Variants in POU2F2 observed in about 807,000 individuals in gnomAD.
POU2F2 encodes the protein POU domain, class 2, transcription factor 2.
In POU2F2, 14 loss-of-function variants were observed where a neutral mutation model predicts 63.5. The ratio of observed to expected loss-of-function variants is 0.22; its 90% confidence interval spans 0.15 to 0.34. The LOEUF (loss-of-function observed/expected upper bound fraction) is 0.34. Ranked by LOEUF, POU2F2 falls within the 10% of genes least tolerant of loss-of-function variation. The pLI is 1.00. For synonymous variants in POU2F2, 306 were observed against 348.6 expected (o/e 0.88, Z 1.36); for missense variants, 607 against 815.2 (o/e 0.74, Z 3.11).
At position 42,162,388 on chromosome 19, in the gene POU2F2, C is replaced by G. The variant is rs1339451825; in HGVS notation, c.-69-1996G>C. On this transcript the variant is annotated intron_variant, in intron 1 of 6. Transcript: ENST00000524801. This position sits in a 1 kb window ranked among gnomAD's most constrained non-coding sequence, Gnocchi z 4.1. ...TGGGATCTAGGAGCTGTATTCCCAG[C>G]AGTGCCTTAAGACTGGGAGCTATTT... 6.6e-6 allele frequency among the ~76,000 whole-genome samples: 1 copy of G among 152,140 alleles called. No individual in the cohort carries two copies. Among genetic ancestry groups the G allele is most frequent in the African/African-American group, 2.4e-5 (1 of 41,438 alleles).
At chr19:42,124,888 T>A (rs1025728252) in intron 1 of POU2F2, among the ~76,000 whole-genome samples, 1 of 152,202 alleles carries the variant, frequency 6.6e-6, no homozygotes, top group Non-Finnish European at 1.5e-5. Flanking sequence ...CACAGTCAGA[T>A]GAGTGAGCAC....
At chr19:42,149,410 A>T (rs1449310400) in intron 2 of POU2F2, among the ~76,000 whole-genome samples, 2 of 152,120 alleles carry the variant, frequency 1.3e-5, no homozygotes, top group South Asian at 2.1e-4. Flanking sequence ...GGGAGGGGAG[A>T]TGAACCAAGA....
chr19:42,129,210 G>C, intron 1 of POU2F2, among the ~76,000 whole-genome samples: 1 of 152,086 alleles, frequency 6.6e-6, no homozygotes. Context: ...ACACACAAAA[G>C]ATTGGTTGGT....
At chr19:42,161,979 C>T (rs766133489) in intron 1 of POU2F2, among the ~76,000 whole-genome samples, 6 of 152,206 alleles carry the variant, frequency 3.9e-5, no homozygotes, top group African/African-American at 1.2e-4. Context: ...ATCGCCTTGC[C>T]GATTCCCAGT....
At chr19:42,124,877 T>G (rs1201838369) in intron 1 of POU2F2, among the ~76,000 whole-genome samples, 1 of 152,154 alleles carries the variant, frequency 6.6e-6, no homozygotes, top group Admixed American at 6.5e-5. Flanking sequence ...TAGCAGATGA[T>G]CACAGTCAGA....
intron 2 of POU2F2, among the ~76,000 whole-genome samples, chr19:42,150,713 T>C (rs1293942376): frequency 6.6e-6 from 1 of 151,894 alleles, no homozygotes; most frequent in Non-Finnish European, 1.5e-5. Context: ...TATTTTTTCT[T>C]ATATATTTTT....
rs1171600840 is a variant in POU2F2, at chr19:42,087,594, ATT to A, written c.*3661_*3662del. 55 of 116,072 alleles carry A rather than the reference ATT, an allele frequency of 4.7e-4. No individual in the cohort carries two copies. The highest frequency in any genetic ancestry group is 5.9e-4 in the Non-Finnish European group (33 of 55,866). 7.2% of individuals were successfully genotyped at this position (116,072 alleles called of 1,614,324 possible). ...AGAGGTGGTTTAGTTACTGGCATCA[ATT>A]TTTTTTTTTTTTTTTTTGGCACAAT... On this transcript the variant is annotated 3_prime_UTR_variant, in exon 15 of 15. Transcript: ENST00000692977.
chr19:42,170,950 TCTCGGCCATCAGCGGC>T (rs1213829191), intron 1 of POU2F2, among the ~76,000 whole-genome samples: 4 of 152,386 alleles, frequency 2.6e-5, no homozygotes, highest in Admixed American at 2.6e-4. Context: ...TGACCAGCCA[TCTCGGCCATCAGCGGC>T]CTCGGCCATT....
intron 1 of POU2F2, among the ~76,000 whole-genome samples, chr19:42,170,995 G>A (rs1013128970): frequency 6.6e-6 from 1 of 152,262 alleles, no homozygotes; most frequent in African/African-American, 2.4e-5. Context: ...CCTGCCTCTG[G>A]CCTGCATTTG....
chr19:42,121,413 A>G (rs1423175116), intron 4 of POU2F2, among the ~76,000 whole-genome samples: 1 of 152,098 alleles, frequency 6.6e-6, no homozygotes, highest in Admixed American at 6.5e-5. Flanking sequence ...CTGAAGAGGA[A>G]ACTGAGAGGC....
chr19:42,103,365 A>C (rs1257676782), intron 5 of POU2F2, among the ~76,000 whole-genome samples: 3 of 152,194 alleles, frequency 2.0e-5, no homozygotes, highest in Non-Finnish European at 2.9e-5. Context: ...AGTGCCTAGA[A>C]CAGCACCTGG....
intron 1 of POU2F2, among the ~76,000 whole-genome samples, chr19:42,130,103 C>A (rs1401501234): frequency 6.6e-6 from 1 of 152,118 alleles, no homozygotes; most frequent in African/African-American, 2.4e-5. Flanking sequence ...CACAGCCAGC[C>A]AGACACACGT....
At chr19:42,129,673 TTGGTGCTGCCGGGAACCTC>T (rs1219291630) in intron 1 of POU2F2, among the ~76,000 whole-genome samples, 7 of 152,190 alleles carry the variant, frequency 4.6e-5, no homozygotes. Flanking sequence ...TGTGGGCAGG[TTGGTGCTGCCGGGAACCTC>T]TGTGGGCCCA....
intron 5 of POU2F2, among the ~76,000 whole-genome samples, chr19:42,106,063 TTTTTCTTTC>T (rs1568999387): frequency 6.6e-6 from 1 of 150,714 alleles, no homozygotes; most frequent in Non-Finnish European, 1.5e-5. Flanking sequence ...TCTTTCTTTC[TTTTTCTTTC>T]TTTTCTTTCT....
chr19:42,114,071 G>T (rs2031516509), intron 5 of POU2F2, among the ~76,000 whole-genome samples: 1 of 152,174 alleles, frequency 6.6e-6, no homozygotes, highest in Non-Finnish European at 1.5e-5. Flanking sequence ...GCTGGGGAAG[G>T]AGGAGTGAGA....
At chr19:42,121,173 G>T (rs748117661) in intron 4 of POU2F2, among the ~76,000 whole-genome samples, 13 of 152,150 alleles carry the variant, frequency 8.5e-5, no homozygotes, top group Non-Finnish European at 1.8e-4. Flanking sequence ...TACACGCTGT[G>T]CTCTGAGGGC....
intron 5 of POU2F2, among the ~76,000 whole-genome samples, chr19:42,114,148 G>T (rs750190304): frequency 6.6e-6 from 1 of 152,110 alleles, no homozygotes; most frequent in Non-Finnish European, 1.5e-5. Flanking sequence ...GGTGGTGGAG[G>T]CTCAGCTTGC....
At chr19:42,121,053 C>G (rs914183051) in intron 4 of POU2F2, among the ~76,000 whole-genome samples, 2 of 152,074 alleles carry the variant, frequency 1.3e-5, no homozygotes, top group Non-Finnish European at 2.9e-5. Context: ...GAGGGAGAAA[C>G]CTTCATTCCC....
rs557927269 is a variant in POU2F2 at position 42,095,550 on chromosome 19, G to A, written c.1015C>T (p.Leu339=). The change falls in exon 10 of 15, where the codon CTA becomes TTA. Residue 339 remains leucine, a synonymous_variant. Coordinates refer to ENST00000692977, the MANE Select transcript of POU2F2 (RefSeq NM_001394376.1). This position sits in a 1 kb window ranked among gnomAD's most constrained non-coding sequence, Gnocchi z 7.1. The part of the protein sequence containing the change: ...NVRFALEKSF[L]ANQKPTSEEI... ...CCAGGAGAGGGGGGCCTCACCGCTA[G>A]AAAACTCTTCTCTAAGGCGAAGCGG... is the stretch of plus-strand genomic sequence containing the variant. The A allele has an allele frequency of 1.6e-5, 25 of 1,603,212 alleles. No homozygotes were observed. The highest frequency in any genetic ancestry group is 3.4e-5 in the Admixed American group (2 of 58,544).
Sources: allele counts gnomAD v4.1 joint callset (sites outside exome capture counted in the v4.1 genomes callset), GRCh38; gene constraint gnomAD v4.1.1; non-coding constraint Gnocchi (gnomAD v3.1); transcripts MANE v1.5; gene names NCBI Gene and HGNC (gene_info 2026-07-23, HGNC 2026-07-21).